PRH1: variants seen among roughly 807,000 people sequenced by gnomAD.
The protein encoded by PRH1 is proline rich protein HaeIII subfamily 1, also known as salivary acidic proline-rich phosphoprotein 1/2.
A neutral mutation model predicts 7.9 loss-of-function variants in PRH1; 7 were observed. The observed-to-expected ratio is 0.89, with a 90% CI of 0.50 to 1.67. PRH1 has a LOEUF of 1.67. Ranked by LOEUF, PRH1 falls within the 40% of genes most tolerant of loss-of-function variation. PRH1 has a pLI of 0.00. For synonymous variants in PRH1, 45 were observed against 80.8 expected, an observed-to-expected ratio of 0.56 and a Z score of 2.38; for missense variants, 109 against 223.6, an observed-to-expected ratio of 0.49 and a Z score of 3.27.
At chr12:10,967,516 C>A (rs1178856607) in intron 2 of PRH1, among the ~76,000 whole-genome samples, 1 of 152,208 alleles carries the variant, frequency 6.6e-6, no homozygotes, top group African/African-American at 2.4e-5. Flanking sequence ...CATCTGGTAA[C>A]AATTTTCTAC....
At chr12:10,920,951 T>C (rs1565472109) in intron 2 of PRH1, among the ~76,000 whole-genome samples, 1 of 152,220 alleles carries the variant, frequency 6.6e-6, no homozygotes, top group East Asian at 1.9e-4. Context: ...ATTAAACATT[T>C]TTGCAACATC....
At chr12:11,064,682 T>C (rs560739842) in intron 1 of PRH1, among the ~76,000 whole-genome samples, 79 of 152,316 alleles carry the variant, frequency 5.2e-4, no homozygotes, top group African/African-American at 1.8e-3. Context: ...CATTATTATT[T>C]TATGCAGTAA....
intron 1 of PRH1, chr12:10,986,799 T>A: frequency 6.3e-7 from 1 of 1,579,858 alleles, no homozygotes; most frequent in Non-Finnish European, 8.5e-7. Context: ...ATTGGCAAAG[T>A]TTCCGAGAAC....
chr12:11,026,839 C>A (rs7962748), intron 1 of PRH1, among the ~76,000 whole-genome samples: 30,425 of 152,152 alleles, frequency 0.2, 3,520 homozygotes, highest in Non-Finnish European at 0.26. Flanking sequence ...TTAATCTACA[C>A]CCATTATGAG....
chr12:11,142,879 G>C (rs1407513830), intron 1 of PRH1, among the ~76,000 whole-genome samples: 1 of 152,028 alleles, frequency 6.6e-6, no homozygotes, highest in Admixed American at 6.6e-5. Flanking sequence ...GAAAGAGAAA[G>C]ACTTTTCCAA....
At chr12:11,171,332 C>G in intron 1 of PRH1, 1 of 1,227,984 alleles carries the variant, frequency 8.1e-7, no homozygotes, top group Non-Finnish European at 1.0e-6. Context: ...GCTACAGACG[C>G]TGGGCGGGCG....
intron 1 of PRH1, among the ~76,000 whole-genome samples, chr12:11,148,088 T>A (rs7963460): frequency 0.42 from 56,268 of 135,312 alleles, 11,948 homozygotes; most frequent in Non-Finnish European, 0.49. Context: ...GCTCTCTGTT[T>A]GTCTGTTATT....
intron 1 of PRH1, chr12:11,062,443 C>G (rs1943653443): frequency 2.7e-6 from 3 of 1,104,170 alleles, no homozygotes; most frequent in Admixed American, 3.0e-5. Context: ...TGACCAGTGT[C>G]AAGCCAGAAA....
At chr12:10,910,540 C>G (rs530859278) in intron 2 of PRH1, among the ~76,000 whole-genome samples, 1 of 151,956 alleles carries the variant, frequency 6.6e-6, no homozygotes, top group Non-Finnish European at 1.5e-5. Context: ...CTCAAGATAC[C>G]TTACTGTACT....
intron 1 of PRH1, among the ~76,000 whole-genome samples, chr12:11,053,731 T>G (rs796475007): frequency 7.3e-6 from 1 of 136,996 alleles, no homozygotes; most frequent in African/African-American, 2.7e-5. Flanking sequence ...AGAATGTTAC[T>G]AAATAATTGT....
intron 1 of PRH1, among the ~76,000 whole-genome samples, chr12:11,142,108 G>T (rs780033800): frequency 2.0e-5 from 3 of 151,978 alleles, no homozygotes; most frequent in Non-Finnish European, 4.4e-5. Context: ...CTCCATTTTT[G>T]AGCAGAACAC....
At chr12:10,893,157 G>C (rs111962305) in intron 2 of PRH1, among the ~76,000 whole-genome samples, 2 of 152,194 alleles carry the variant, frequency 1.3e-5, no homozygotes. Context: ...GTGAGGGACT[G>C]TCATGTGCAT....
At chr12:11,020,410 AGATACATAGATATAT>A (rs1158097307) in intron 1 of PRH1, among the ~76,000 whole-genome samples, 515 of 44,358 alleles carry the variant, frequency 0.012, no homozygotes, top group Middle Eastern at 0.027. Context: ...ATATAGATAT[AGATACATAGATATAT>A]ATATGATGTG....
At chr12:10,976,091 C>T (rs1299651435) in intron 1 of PRH1, among the ~76,000 whole-genome samples, 1 of 152,158 alleles carries the variant, frequency 6.6e-6, no homozygotes, top group Non-Finnish European at 1.5e-5. Flanking sequence ...CACCACAGAA[C>T]AGTTCACCCC....
intron 2 of PRH1, chr12:10,932,302 T>A (rs1378871567): frequency 2.6e-6 from 1 of 379,912 alleles, no homozygotes; most frequent in East Asian, 7.5e-5. Context: ...AATATACCAA[T>A]AAAATAATCA....
At chr12:11,112,894 G>A (rs1345790362) in intron 1 of PRH1, among the ~76,000 whole-genome samples, 1 of 152,126 alleles carries the variant, frequency 6.6e-6, no homozygotes, top group Non-Finnish European at 1.5e-5. Context: ...TGTATATTTA[G>A]AAAAACCCAT....
chr12:10,908,066 A>C, intron 2 of PRH1: 1 of 253,314 alleles, frequency 3.9e-6, no homozygotes. Flanking sequence ...TTGAAGAGCC[A>C]TTGCCAAACA....
rs1946900672 is a variant in PRH1, at chr12:11,147,504, T to A, written n.39+23918A>T. ...CACCTGGCCAAAGAATTTTTTAAAT[T>A]TACATATTGTAATTTACTGTTGGCA... On this transcript the variant is annotated intron_variant and non_coding_transcript_variant, in intron 1 of 1. Coordinates refer to the PRH1 transcript ENST00000541175. 2.0e-5 allele frequency among the ~76,000 whole-genome samples: 3 copies of A among 152,188 alleles called. No individual in the cohort carries two copies. The South Asian group carries it at 6.2e-4, about 32-fold the overall frequency.
chr12:11,068,940 C>G (rs1415743771), intron 1 of PRH1, among the ~76,000 whole-genome samples: 2 of 151,478 alleles, frequency 1.3e-5, no homozygotes, highest in African/African-American at 4.9e-5. Context: ...CATGGTCTCA[C>G]TCTGTAGCCC....
Sources: gnomAD v4.1 joint callset for allele counts (sites outside exome capture counted in the v4.1 genomes callset) on GRCh38, gnomAD v4.1.1 for gene constraint, MANE v1.5 for transcripts, NCBI Gene and HGNC (gene_info 2026-07-23, HGNC 2026-07-21) for gene names.